Variants in IMPG1 observed in about 807,000 individuals in gnomAD.
The protein encoded by IMPG1 is interphotoreceptor matrix proteoglycan of 150 kDa.
IMPG1 carries 85 observed loss-of-function variants against 92.0 expected under a neutral mutation model. That is an observed-to-expected ratio of 0.92 (90% CI 0.78 to 1.11). The LOEUF (loss-of-function observed/expected upper bound fraction) is 1.11, where lower values mean the gene tolerates loss of function less well. Ranked by LOEUF, IMPG1 falls within the 50% of genes least tolerant of loss-of-function variation. The probability of loss-of-function intolerance (pLI) is 0.00; values close to 1 mark genes in which losing one functional copy is unlikely to be tolerated. For synonymous variants in IMPG1, 367 were observed against 334.1 expected (o/e 1.10, Z -1.08); for missense variants, 1,022 against 956.0 (o/e 1.07, Z -0.91).
At chr6:75,931,431 C>T (rs1238009822) in intron 14 of IMPG1, among the ~76,000 whole-genome samples, 1 of 152,168 alleles carries the variant, frequency 6.6e-6, no homozygotes, top group African/African-American at 2.4e-5. Context: ...GATTCCTGAG[C>T]CCCACACTCA....
At chr6:76,049,727 C>G (rs144321283) in intron 1 of IMPG1, among the ~76,000 whole-genome samples, 2 of 152,210 alleles carry the variant, frequency 1.3e-5, no homozygotes, top group Non-Finnish European at 2.9e-5. Context: ...AGGCAGAGAT[C>G]TAGCACAGTA....
At chr6:75,976,617 T>A (rs1782538763) in intron 12 of IMPG1, among the ~76,000 whole-genome samples, 2 of 151,580 alleles carry the variant, frequency 1.3e-5, no homozygotes, top group Admixed American at 6.6e-5. Context: ...CCTGAGTGAA[T>A]ATTAGAATCC....
intron 8 of IMPG1, among the ~76,000 whole-genome samples, chr6:76,008,534 C>G (rs549782083): frequency 6.6e-6 from 1 of 152,140 alleles, no homozygotes; most frequent in African/African-American, 2.4e-5. Context: ...CCTCCTTCTG[C>G]GGAGGCAAGG....
At chr6:76,044,668 A>C (rs1186830923) in intron 1 of IMPG1, among the ~76,000 whole-genome samples, 1 of 151,932 alleles carries the variant, frequency 6.6e-6, no homozygotes, top group African/African-American at 2.4e-5. Flanking sequence ...TTTGGATCCT[A>C]ACACTTTGCG....
chr6:75,974,401 TTTCC>T (rs761519920), intron 12 of IMPG1, among the ~76,000 whole-genome samples: 2,030 of 92,640 alleles, frequency 0.022, 56 homozygotes, highest in African/African-American at 0.037. Flanking sequence ...CTTTTCTTTC[TTTCC>T]TTCCTTCCTT....
At chr6:75,975,953 G>A (rs1310768815) in intron 12 of IMPG1, among the ~76,000 whole-genome samples, 1 of 152,002 alleles carries the variant, frequency 6.6e-6, no homozygotes, top group Non-Finnish European at 1.5e-5. Flanking sequence ...TAATACTTTT[G>A]ATTTTTTGGA....
intron 12 of IMPG1, among the ~76,000 whole-genome samples, chr6:75,974,330 C>CCCTT (rs1782474125): frequency 1.0e-5 from 1 of 98,212 alleles, no homozygotes; most frequent in Non-Finnish European, 2.0e-5. Context: ...TCTTTCTTTC[C>CCCTT]CTTTCTTTCT....
At chr6:75,927,157 G>T (rs1781569180) in intron 15 of IMPG1, among the ~76,000 whole-genome samples, 1 of 152,152 alleles carries the variant, frequency 6.6e-6, no homozygotes, top group Non-Finnish European at 1.5e-5. Flanking sequence ...GACAGAAACA[G>T]CTCCAATAAT....
chr6:75,938,923 T>G (rs9360962), intron 14 of IMPG1, among the ~76,000 whole-genome samples: 85,675 of 151,948 alleles, frequency 0.56, 24,852 homozygotes, highest in Non-Finnish European at 0.65. Flanking sequence ...CCCAAGACAG[T>G]GTCTCACTCT....
At chr6:75,940,370 T>C (rs1459349823) in intron 14 of IMPG1, among the ~76,000 whole-genome samples, 5 of 152,228 alleles carry the variant, frequency 3.3e-5, no homozygotes, top group African/African-American at 1.2e-4. Flanking sequence ...CTTTTAAAAA[T>C]ATTTAATGGA....
chr6:76,048,570 C>A (rs1783984385), intron 1 of IMPG1, among the ~76,000 whole-genome samples: 1 of 152,142 alleles, frequency 6.6e-6, no homozygotes, highest in Non-Finnish European at 1.5e-5. Flanking sequence ...CCTTTTTCAC[C>A]TTTCAAGAAC....
chr6:75,996,585 A>G (rs1229442519), intron 12 of IMPG1, among the ~76,000 whole-genome samples: 2 of 152,136 alleles, frequency 1.3e-5, no homozygotes, highest in East Asian at 1.9e-4. Flanking sequence ...AGCAGCCTGG[A>G]AAAAGGGTGG....
At chr6:75,991,747 T>C (rs557129734) in intron 12 of IMPG1, among the ~76,000 whole-genome samples, 17 of 152,348 alleles carry the variant, frequency 1.1e-4, no homozygotes, top group African/African-American at 3.8e-4. Context: ...CATTCTTTTA[T>C]ATTATAATTA....
intron 12 of IMPG1, among the ~76,000 whole-genome samples, chr6:75,958,795 TA>T (rs1782169450): frequency 6.6e-6 from 1 of 152,154 alleles, no homozygotes; most frequent in African/African-American, 2.4e-5. Context: ...TCAAGGTTTT[TA>T]GCTTCCTTGC....
At chr6:75,941,965 TGG>T (rs1781842394) in intron 14 of IMPG1, among the ~76,000 whole-genome samples, 1 of 152,096 alleles carries the variant, frequency 6.6e-6, no homozygotes, top group South Asian at 2.1e-4. Flanking sequence ...TTCTGGAGGC[TGG>T]GGGGACACTG....
At chr6:75,989,229 G>A (rs1202867477) in intron 12 of IMPG1, among the ~76,000 whole-genome samples, 1 of 152,072 alleles carries the variant, frequency 6.6e-6, no homozygotes, top group African/African-American at 2.4e-5. Flanking sequence ...GTAATTACAG[G>A]CATGTGCCAC....
chr6:76,001,431 A>G (rs1347942025), intron 12 of IMPG1, among the ~76,000 whole-genome samples: 1 of 151,222 alleles, frequency 6.6e-6, no homozygotes, highest in Non-Finnish European at 1.5e-5. Flanking sequence ...ATCAAGAGAG[A>G]AGCTCTATGT....
At chr6:75,930,234 A>G (rs1259129232) in intron 15 of IMPG1, among the ~76,000 whole-genome samples, 1 of 152,210 alleles carries the variant, frequency 6.6e-6, no homozygotes, top group Non-Finnish European at 1.5e-5. Flanking sequence ...TAACACATCT[A>G]GAGAATGGAC....
At chr6:75,954,478 A>C (rs552562855) in intron 12 of IMPG1, among the ~76,000 whole-genome samples, 1 of 151,950 alleles carries the variant, frequency 6.6e-6, no homozygotes, top group East Asian at 1.9e-4. Flanking sequence ...TTTCCTTGTA[A>C]ATTTGTTTAA....
Sources: gnomAD v4.1 joint callset for allele counts (sites outside exome capture counted in the v4.1 genomes callset) on GRCh38, gnomAD v4.1.1 for gene constraint, MANE v1.5 for transcripts, NCBI Gene and HGNC (gene_info 2026-07-23, HGNC 2026-07-21) for gene names.